The following NKAIN2 variants were observed in gnomAD, a reference collection of about 807,000 sequenced individuals.
NKAIN2 encodes the protein sodium/potassium-transporting ATPase subunit beta-1-interacting protein 2.
In NKAIN2, 14 loss-of-function variants were observed where a neutral mutation model predicts 32.6. That is an observed-to-expected ratio of 0.43 (90% confidence interval 0.28 to 0.67). The LOEUF (loss-of-function observed/expected upper bound fraction) is 0.67. NKAIN2 is among the 30% of genes least tolerant of loss of function. The pLI is 0.17. For synonymous variants in NKAIN2, 80 were observed against 87.2 expected, an observed-to-expected ratio of 0.92 and a Z score of 0.46; for missense variants, 198 against 258.3, an observed-to-expected ratio of 0.77 and a Z score of 1.60.
chr6:124,252,809 T>G (rs1267713779), intron 1 of NKAIN2, among the ~76,000 whole-genome samples: 1 of 152,116 alleles, frequency 6.6e-6, no homozygotes, highest in East Asian at 1.9e-4. Context: ...TCTCTGTGCC[T>G]CAGTATCCTT....
intron 1 of NKAIN2, among the ~76,000 whole-genome samples, chr6:123,904,549 C>T (rs1474986222): frequency 6.6e-6 from 1 of 152,180 alleles, no homozygotes; most frequent in Non-Finnish European, 1.5e-5. Flanking sequence ...TTAATGGTTT[C>T]TTACAATGCA....
intron 1 of NKAIN2, among the ~76,000 whole-genome samples, chr6:123,936,146 C>T (rs1480785525): frequency 1.3e-5 from 2 of 152,114 alleles, no homozygotes; most frequent in Non-Finnish European, 2.9e-5. Flanking sequence ...TCATTTTGGC[C>T]TTGAAGATAG....
intron 4 of NKAIN2, among the ~76,000 whole-genome samples, chr6:124,765,084 G>A (rs1778451222): frequency 6.6e-6 from 1 of 152,152 alleles, no homozygotes; most frequent in African/African-American, 2.4e-5. Flanking sequence ...AAGACCCTCA[G>A]ATGGAAGCTA....
At chr6:123,990,065 G>T (rs1025723047) in intron 1 of NKAIN2, among the ~76,000 whole-genome samples, 2 of 152,138 alleles carry the variant, frequency 1.3e-5, no homozygotes, top group Non-Finnish European at 2.9e-5. Context: ...TTTCTTCACA[G>T]AATGGCAGGA....
intron 3 of NKAIN2, among the ~76,000 whole-genome samples, chr6:124,424,187 G>T (rs1383974225): frequency 6.6e-6 from 1 of 151,978 alleles, no homozygotes; most frequent in Non-Finnish European, 1.5e-5. Flanking sequence ...TAGAGACGGG[G>T]TTTCACAGTG....
At chr6:124,456,684 A>C (rs1776335781) in intron 3 of NKAIN2, among the ~76,000 whole-genome samples, 1 of 151,918 alleles carries the variant, frequency 6.6e-6, no homozygotes, top group African/African-American at 2.4e-5. Context: ...CTTTATTAAT[A>C]TGAGATCTTT....
intron 1 of NKAIN2, among the ~76,000 whole-genome samples, chr6:124,242,113 C>T (rs1364937597): frequency 6.6e-6 from 1 of 152,052 alleles, no homozygotes; most frequent in African/African-American, 2.4e-5. Flanking sequence ...AACATTCAGC[C>T]TACAAAATGG....
chr6:124,323,778 T>TTTCC (rs1562490367), intron 2 of NKAIN2, among the ~76,000 whole-genome samples: 1 of 135,140 alleles, frequency 7.4e-6, no homozygotes, highest in African/African-American at 3.4e-5. Flanking sequence ...ATTCTTTTAA[T>TTTCC]TTTTTCTTTT....
chr6:123,950,266 CGT>C (rs1169253865), intron 1 of NKAIN2, among the ~76,000 whole-genome samples: 2 of 150,934 alleles, frequency 1.3e-5, no homozygotes, highest in Non-Finnish European at 3.0e-5. Flanking sequence ...TGTGTGTGTG[CGT>C]GTGTGTGTGC....
rs568654193 is a variant in NKAIN2, at chr6:124,256,885, G to GTTTTTT, written c.55-26101_55-26096dup. Among the ~76,000 whole-genome samples the GTTTTTT allele has an allele frequency of 1.3e-3, 101 of 75,908 alleles. 2 individuals carry two copies. Among genetic ancestry groups the GTTTTTT allele is most frequent in the African/African-American group, 3.0e-3 (62 of 20,822 alleles). The allele number at this position is 75,908 out of a possible 152,430, so 49.8% of individuals were successfully genotyped here. On this transcript the variant is annotated intron_variant, in intron 1 of 6. Transcript: ENST00000368417. ...ACAATGTTTCAATTAGCTTTCTGTT[G>GTTTTTT]TTTTTTTTTTTTTTTTTTTTTTTTG... is the stretch of plus-strand genomic sequence containing the variant.
At chr6:124,506,204 G>A (rs1013401274) in intron 3 of NKAIN2, among the ~76,000 whole-genome samples, 11 of 151,704 alleles carry the variant, frequency 7.3e-5, no homozygotes, top group African/African-American at 2.7e-4. Context: ...AAAAAAGATT[G>A]TTTCCTTCAG....
At chr6:124,548,804 C>G (rs549192121) in intron 3 of NKAIN2, among the ~76,000 whole-genome samples, 2 of 151,910 alleles carry the variant, frequency 1.3e-5, no homozygotes, top group African/African-American at 4.8e-5. Context: ...TTAAGGAAGC[C>G]GAGAGAAGAT....
chr6:124,800,599 ATTTAAAG>A (rs1295195377), intron 5 of NKAIN2, among the ~76,000 whole-genome samples: 1 of 152,222 alleles, frequency 6.6e-6, no homozygotes, highest in Non-Finnish European at 1.5e-5. Flanking sequence ...ATTACGATTA[ATTTAAAG>A]TTTAATTTCC....
At chr6:124,794,635 C>G (rs181627457) in intron 5 of NKAIN2, among the ~76,000 whole-genome samples, 67 of 152,238 alleles carry the variant, frequency 4.4e-4, no homozygotes, top group African/African-American at 1.5e-3. Context: ...AGTAGACTGA[C>G]GCTTGCCTCA....
intron 1 of NKAIN2, among the ~76,000 whole-genome samples, chr6:124,116,279 C>T (rs907914279): frequency 1.3e-5 from 2 of 152,048 alleles, no homozygotes; most frequent in Non-Finnish European, 2.9e-5. Flanking sequence ...CTAAGTTGCT[C>T]TTTTGGCTGT....
intron 3 of NKAIN2, among the ~76,000 whole-genome samples, chr6:124,503,101 T>A (rs1347914682): frequency 2.0e-5 from 3 of 152,164 alleles, no homozygotes; most frequent in Admixed American, 1.3e-4. Context: ...TCTTTCTTGT[T>A]TTTTTAGTCT....
chr6:124,168,900 C>T (rs887195477), intron 1 of NKAIN2, among the ~76,000 whole-genome samples: 1 of 152,062 alleles, frequency 6.6e-6, no homozygotes, highest in Non-Finnish European at 1.5e-5. Flanking sequence ...GAATTATTGG[C>T]ATATTTTCAT....
intron 1 of NKAIN2, among the ~76,000 whole-genome samples, chr6:124,050,842 C>G (rs1782368251): frequency 6.6e-6 from 1 of 151,816 alleles, no homozygotes; most frequent in Admixed American, 6.6e-5. Flanking sequence ...AAATTAGAAC[C>G]AGGACTGAGT....
intron 1 of NKAIN2, among the ~76,000 whole-genome samples, chr6:124,031,093 A>C (rs886882350): frequency 6.6e-6 from 1 of 152,154 alleles, no homozygotes; most frequent in Non-Finnish European, 1.5e-5. Context: ...AAAAAATAAC[A>C]AAGACTGATG....
Sources: gnomAD v4.1 joint callset for allele counts (sites outside exome capture counted in the v4.1 genomes callset) on GRCh38, gnomAD v4.1.1 for gene constraint, MANE v1.5 for transcripts, NCBI Gene and HGNC (gene_info 2026-07-23, HGNC 2026-07-21) for gene names.